PITPNB: variants seen among roughly 807,000 people sequenced by gnomAD.
PITPNB encodes the protein phosphatidylinositol transfer protein beta, also known as phosphatidylinositol transfer protein beta isoform.
Under a neutral mutation model 45.9 loss-of-function variants are expected in PITPNB, and 16 were observed. The observed-to-expected ratio is 0.35, with a 90% confidence interval of 0.24 to 0.53. PITPNB has a LOEUF of 0.53. Ranked by LOEUF, PITPNB falls within the 20% of genes least tolerant of loss-of-function variation. The pLI is 0.93. For missense variants in PITPNB, 188 were observed against 330.5 expected (o/e 0.57, Z 3.34); for synonymous variants, 112 against 108.9 (o/e 1.03, Z -0.18).
chr22:27,888,073 A>T (rs2267123), intron 7 of PITPNB, among the ~76,000 whole-genome samples: 26,067 of 152,184 alleles, frequency 0.17, 2,467 homozygotes, highest in South Asian at 0.32. Context: ...GATAGTCCAT[A>T]CATAACTAAG....
chr22:27,853,980 G>T (rs1934101011), intron 11 of PITPNB, among the ~76,000 whole-genome samples: 1 of 151,738 alleles, frequency 6.6e-6, no homozygotes, highest in Non-Finnish European at 1.5e-5. Flanking sequence ...TGTTTGGGGG[G>T]AATCTTGGAA....
At chr22:27,908,843 A>G (rs1027650117) in intron 3 of PITPNB, among the ~76,000 whole-genome samples, 22 of 152,232 alleles carry the variant, frequency 1.4e-4, no homozygotes, top group African/African-American at 5.1e-4. Context: ...GATCAGAGTT[A>G]CTGCCTTATT....
Position 27,873,891 on chromosome 22 carries a change from G to A in PITPNB, c.457-76C>T, listed in dbSNP as rs568459731. ...TTTAACCGTGCCAGAATAGCTCTTCGCAGCTACCAAAACACAGGACAGAAA... is the reference window on the plus strand; with the variant it reads ...TTTAACCGTGCCAGAATAGCTCTTCACAGCTACCAAAACACAGGACAGAAA... On this transcript the variant is annotated intron_variant, in intron 7 of 11. Transcript: ENST00000335272. 45 of 907,878 alleles carry A rather than the reference G, an allele frequency of 5.0e-5. No homozygotes were observed. The Admixed American group carries it at 5.4e-4, about 11-fold the overall frequency. The allele number at this position is 907,878 out of a possible 1,614,324, so 56.2% of individuals were successfully genotyped here. A position where few individuals can be genotyped will look rare whatever the true frequency, so the allele number is the denominator to read the frequency against.
At chr22:27,917,815 T>A (rs902186750) in intron 1 of PITPNB, among the ~76,000 whole-genome samples, 1 of 152,062 alleles carries the variant, frequency 6.6e-6, no homozygotes, top group Non-Finnish European at 1.5e-5. Context: ...TATTGGCATG[T>A]TGGATGGTGA....
At chr22:27,860,902 G>GA (rs1375754513) in intron 8 of PITPNB, among the ~76,000 whole-genome samples, 2 of 151,882 alleles carry the variant, frequency 1.3e-5, no homozygotes, top group African/African-American at 4.8e-5. Context: ...AAAGAGCCAA[G>GA]AGATGCTGGG....
intron 1 of PITPNB, 34 bp downstream of exon 1, chr22:27,919,138 C>T (rs773790538): frequency 6.2e-7 from 1 of 1,614,024 alleles, no homozygotes; most frequent in Admixed American, 1.7e-5. Flanking sequence ...CACTGCCGTC[C>T]CACGGCCTCG....
chr22:27,856,074 T>A (rs1934164143), intron 10 of PITPNB, among the ~76,000 whole-genome samples: 1 of 152,170 alleles, frequency 6.6e-6, no homozygotes, highest in African/African-American at 2.4e-5. Flanking sequence ...CACTCCCCAA[T>A]GACCTACAGC....
chr22:27,896,518 A>T (rs372452519), intron 6 of PITPNB, 34 bp downstream of exon 6: 42 of 1,387,342 alleles, frequency 3.0e-5, no homozygotes, highest in Admixed American at 1.5e-4. Flanking sequence ...GTTTCCAGGG[A>T]CTTTTGTACT....
At chr22:27,885,897 C>T (rs946612724) in intron 7 of PITPNB, among the ~76,000 whole-genome samples, 1 of 152,218 alleles carries the variant, frequency 6.6e-6, no homozygotes, top group Non-Finnish European at 1.5e-5. Context: ...CCACGCCATG[C>T]ATCCAGCATC....
intron 1 of PITPNB, among the ~76,000 whole-genome samples, chr22:27,914,900 A>G (rs1041139467): frequency 2.6e-5 from 4 of 152,170 alleles, no homozygotes; most frequent in African/African-American, 9.7e-5. Context: ...TATGGAAACT[A>G]CTTGAACCTT....
intron 7 of PITPNB, among the ~76,000 whole-genome samples, chr22:27,879,830 T>C (rs1035987859): frequency 6.6e-6 from 1 of 152,092 alleles, no homozygotes; most frequent in Non-Finnish European, 1.5e-5. Context: ...AACACCCTAG[T>C]AAAAATTCAG....
chr22:27,886,232 T>C (rs1935119590), intron 7 of PITPNB, among the ~76,000 whole-genome samples: 1 of 152,244 alleles, frequency 6.6e-6, no homozygotes, highest in South Asian at 2.1e-4. Context: ...GAGGACATTA[T>C]GCAGAAATCC....
rs71194746 is a variant in PITPNB at position 27,885,212 on chromosome 22, T to TAA, written c.456+9341_456+9342dup. Among the ~76,000 whole-genome samples, 14 of 30,234 alleles carry TAA rather than the reference T, an allele frequency of 4.6e-4. 2 individuals are homozygous for TAA. Among genetic ancestry groups the TAA allele is most frequent in the African/African-American group, 1.3e-3 (12 of 9,066 alleles). 19.8% of individuals were successfully genotyped at this position (30,234 alleles called of 152,430 possible). On this transcript the variant is annotated intron_variant, in intron 7 of 11. Coordinates refer to ENST00000335272, the MANE Select transcript of PITPNB (RefSeq NM_012399.5). ...AAAGAGCCAGATTCAAATTTATACC[T>TAA]AAAAAAAAAAAAAAAAAAAAAAAAA...
chr22:27,913,000 A>C (rs1322184583), intron 2 of PITPNB, among the ~76,000 whole-genome samples: 1 of 150,814 alleles, frequency 6.6e-6, no homozygotes, highest in Non-Finnish European at 1.5e-5. Context: ...AAAAAAAAAA[A>C]AAAGGTGGGG....
At chr22:27,915,753 T>TA (rs1283449595) in intron 1 of PITPNB, among the ~76,000 whole-genome samples, 2 of 152,194 alleles carry the variant, frequency 1.3e-5, no homozygotes, top group African/African-American at 4.8e-5. Flanking sequence ...CAGTATACAC[T>TA]AACTTGCTCA....
At chr22:27,915,971 G>A (rs1161044143) in intron 1 of PITPNB, among the ~76,000 whole-genome samples, 1 of 152,160 alleles carries the variant, frequency 6.6e-6, no homozygotes, top group Non-Finnish European at 1.5e-5. Context: ...ACAAGCAGGA[G>A]AAGTGGGGAA....
intron 7 of PITPNB, among the ~76,000 whole-genome samples, chr22:27,880,522 C>A (rs1335700217): frequency 6.6e-6 from 1 of 152,158 alleles, no homozygotes; most frequent in Non-Finnish European, 1.5e-5. Flanking sequence ...TTACCCTCCC[C>A]GCCTTTTTAC....
At chr22:27,858,365 G>A in intron 10 of PITPNB, 22 bp downstream of exon 10, 1 of 1,577,458 alleles carries the variant, frequency 6.3e-7, no homozygotes, top group Non-Finnish European at 8.6e-7. Flanking sequence ...TTAGAGAATT[G>A]CCATAGAACA....
intron 3 of PITPNB, 193 bp downstream of exon 3, chr22:27,910,771 T>C (rs1054362279): frequency 8.2e-6 from 4 of 489,958 alleles, no homozygotes; most frequent in African/African-American, 7.7e-5. Context: ...TTTATCTGAA[T>C]TTTTGTTATA....
Sources: allele counts gnomAD v4.1 joint callset (sites outside exome capture counted in the v4.1 genomes callset), GRCh38; gene constraint gnomAD v4.1.1; transcripts MANE v1.5; gene names NCBI Gene and HGNC (gene_info 2026-07-23, HGNC 2026-07-21).